The following KIAA0586 variants were observed in gnomAD, a reference collection of about 807,000 sequenced individuals.
KIAA0586 encodes protein TALPID3.
Under a neutral mutation model 169.8 loss-of-function variants are expected in KIAA0586, and 144 were observed. That is an observed-to-expected ratio of 0.85 (90% CI 0.74 to 0.97). The LOEUF is 0.97. Among genes scored for constraint, KIAA0586 ranks in the 50% least tolerant of loss-of-function variants. The pLI, the probability that KIAA0586 is intolerant of heterozygous loss-of-function variation, is 0.00. For synonymous variants in KIAA0586, 625 were observed against 612.4 expected (o/e 1.02, Z -0.30); for missense variants, 1,854 against 1,823.0 (o/e 1.02, Z -0.31).
chr14:58,542,854 G>A (rs978766842), intron 30 of KIAA0586, among the ~76,000 whole-genome samples: 3 of 152,030 alleles, frequency 2.0e-5, no homozygotes, highest in African/African-American at 7.2e-5. Context: ...AAAAACCTCT[G>A]AAGTCAGCCG....
intron 29 of KIAA0586, among the ~76,000 whole-genome samples, chr14:58,515,916 A>T (rs1240026030): frequency 6.6e-6 from 1 of 152,166 alleles, no homozygotes; most frequent in African/African-American, 2.4e-5. Context: ...CTACAAAATC[A>T]TTAACATTTC....
chr14:58,479,602 A>G (rs894240637), intron 20 of KIAA0586, among the ~76,000 whole-genome samples: 4 of 152,172 alleles, frequency 2.6e-5, no homozygotes, highest in Non-Finnish European at 5.9e-5. Context: ...TTGCTAACCC[A>G]AGATCATTAA....
intron 16 of KIAA0586, among the ~76,000 whole-genome samples, chr14:58,468,141 G>T (rs1451825383): frequency 6.6e-6 from 1 of 152,176 alleles, no homozygotes; most frequent in Non-Finnish European, 1.5e-5. Flanking sequence ...TGCCTCTTGG[G>T]TTCAAGTGAT....
chr14:58,505,530 A>G (rs984081731), intron 27 of KIAA0586, among the ~76,000 whole-genome samples: 2 of 152,232 alleles, frequency 1.3e-5, no homozygotes, highest in African/African-American at 4.8e-5. Flanking sequence ...GTTTAGAAAT[A>G]GATAATGCCA....
At chr14:58,504,782 C>T (rs1458730715) in intron 27 of KIAA0586, among the ~76,000 whole-genome samples, 1 of 152,178 alleles carries the variant, frequency 6.6e-6, no homozygotes, top group African/African-American at 2.4e-5. Flanking sequence ...GTTATGATTG[C>T]TGTCAGGGAA....
In KIAA0586 at chr14:58,457,789, C is replaced by T. The variant is rs376681702; in HGVS notation, c.1393C>T (p.Pro465Ser). Residue 465 changes from proline (P) to serine (S), a missense_variant, in exon 11 of 31, where the codon CCA (proline) becomes TCA (serine). Physicochemically the swap from Pro to Ser is moderately conservative, Grantham distance 74 (BLOSUM62 -1). Coordinates refer to ENST00000652326, the MANE Select transcript of KIAA0586 (RefSeq NM_001329943.3). Reference sequence around the variant, plus strand: ...AGAATCTCTGAGTATGTTGAAGCTTCCAGATCTTCCACAGAATTCTGTTAA... The same window carrying T: ...AGAATCTCTGAGTATGTTGAAGCTTTCAGATCTTCCACAGAATTCTGTTAA... Reference protein sequence around the residue: ...PKESLSMLKLPDLPQNSVKLQ... With the variant: ...PKESLSMLKLSDLPQNSVKLQ... 215 of 1,603,560 alleles carry T rather than the reference C, an allele frequency of 1.3e-4. No homozygotes were observed. Among genetic ancestry groups the T allele is most frequent in the Admixed American group, 2.9e-4 (17 of 58,872 alleles).
At chr14:58,521,173 G>C in intron 29 of KIAA0586, 2 of 657,966 alleles carry the variant, frequency 3.0e-6, no homozygotes, top group Non-Finnish European at 2.6e-6. Flanking sequence ...AGATTTTTTT[G>C]ATCTTCAGCT....
intron 29 of KIAA0586, among the ~76,000 whole-genome samples, chr14:58,513,693 C>A (rs2033586232): frequency 1.3e-5 from 2 of 151,830 alleles, no homozygotes. Flanking sequence ...TCGATATGGG[C>A]AGATAAATGT....
chr14:58,522,121 C>G lies in KIAA0586; in HGVS notation c.4429+9494C>G. The G allele has an allele frequency of 5.1e-6, 3 of 590,874 alleles. No individual in the cohort carries two copies. The South Asian group carries it at 6.1e-5, about 12-fold the overall frequency. The allele number at this position is 590,874 out of a possible 1,614,324, so 36.6% of individuals were successfully genotyped here. A position where few individuals can be genotyped will look rare whatever the true frequency, so the allele number is the denominator to read the frequency against. ...TGCTCACTGTTCTCCCAATCCTTGT[C>G]CTTCCCATGTTCATTAATTCATAGT... is the stretch of plus-strand genomic sequence containing the variant. On this transcript the variant is annotated intron_variant, in intron 29 of 30. Coordinates refer to ENST00000652326, the MANE Select transcript of KIAA0586 (RefSeq NM_001329943.3).
chr14:58,553,758 T>C (rs555874784), downstream of KIAA0586, among the ~76,000 whole-genome samples: 10 of 152,328 alleles, frequency 6.6e-5, no homozygotes, highest in African/African-American at 2.4e-4. Flanking sequence ...GTAGCTGTTG[T>C]CAAGAGGACC....
intron 7 of KIAA0586, among the ~76,000 whole-genome samples, chr14:58,449,835 A>G (rs575496542): frequency 6.6e-6 from 1 of 152,218 alleles, no homozygotes; most frequent in Non-Finnish European, 1.5e-5. Flanking sequence ...TTGATTGTAA[A>G]TTGAATTTTT....
intron 29 of KIAA0586, among the ~76,000 whole-genome samples, chr14:58,527,919 A>G (rs2045700901): frequency 6.6e-6 from 1 of 152,242 alleles, no homozygotes; most frequent in Admixed American, 6.5e-5. Flanking sequence ...AGCAAATAGG[A>G]TAATGAGTCA....
intron 24 of KIAA0586, 34 bp downstream of exon 24, chr14:58,488,908 T>A (rs1251392781): frequency 6.3e-7 from 1 of 1,594,062 alleles, no homozygotes; most frequent in Non-Finnish European, 8.6e-7. Flanking sequence ...TTTTACTTGT[T>A]AGATTATGCT....
rs184508334 is a variant in KIAA0586, at chr14:58,466,937, A to G, written c.2255-798A>G. On this transcript the variant is annotated intron_variant, in intron 15 of 30. Transcript: ENST00000652326. Reference sequence around the variant, plus strand: ...TTATTTGCCTTCTCTCTGAGTCTTCATGTTAAAAATTGAACAGATCATTTT... The same window carrying G: ...TTATTTGCCTTCTCTCTGAGTCTTCGTGTTAAAAATTGAACAGATCATTTT... 2.8e-3 allele frequency among the ~76,000 whole-genome samples: 428 copies of G among 152,240 alleles called. 4 individuals carry two copies. Among genetic ancestry groups the G allele is most frequent in the African/African-American group, 9.9e-3 (410 of 41,542 alleles).
intron 30 of KIAA0586, among the ~76,000 whole-genome samples, chr14:58,547,119 C>T (rs1184844488): frequency 6.7e-6 from 1 of 148,770 alleles, no homozygotes; most frequent in Non-Finnish European, 1.5e-5. Flanking sequence ...CCTTTGACTT[C>T]AAATGCCTTT....
At chr14:58,528,116 C>T (rs187025699) in intron 29 of KIAA0586, among the ~76,000 whole-genome samples, 24 of 152,262 alleles carry the variant, frequency 1.6e-4, no homozygotes, top group Middle Eastern at 3.4e-3. Flanking sequence ...AAGGTTATTA[C>T]GTAATGGTAA....
intron 29 of KIAA0586, among the ~76,000 whole-genome samples, chr14:58,520,542 G>A (rs1175298536): frequency 6.7e-6 from 1 of 148,448 alleles, no homozygotes; most frequent in Non-Finnish European, 1.5e-5. Flanking sequence ...TTGTTGTTGA[G>A]ACAGAATTTT....
In KIAA0586 at chr14:58,444,917, A is replaced by G. The variant is rs779534029; in HGVS notation, c.807+742A>G. ...TGTAGCAAGACCTCATCTCTTAGGA[A>G]AAAAAAAAAAAAAAAAAAAAAAAAA... On this transcript the variant is annotated intron_variant, in intron 6 of 30. Coordinates refer to ENST00000652326, the MANE Select transcript of KIAA0586 (RefSeq NM_001329943.3). Among the ~76,000 whole-genome samples the G allele has an allele frequency of 3.7e-3, 501 of 134,306 alleles. 41 individuals carry two copies. Among genetic ancestry groups the G allele is most frequent in the Middle Eastern group, 0.012 (3 of 260 alleles). 88.1% of individuals were successfully genotyped at this position (134,306 alleles called of 152,430 possible).
intron 8 of KIAA0586, among the ~76,000 whole-genome samples, chr14:58,451,790 T>A (rs1415501226): frequency 6.6e-6 from 1 of 151,406 alleles, no homozygotes; most frequent in East Asian, 2.0e-4. Flanking sequence ...TTCAAGCGAT[T>A]CTCCTGCGTC....
Sources: allele counts gnomAD v4.1 joint callset (sites outside exome capture counted in the v4.1 genomes callset), GRCh38; gene constraint gnomAD v4.1.1; transcripts MANE v1.5; gene names NCBI Gene and HGNC (gene_info 2026-07-23, HGNC 2026-07-21).